CHD1L: variants seen among roughly 807,000 people sequenced by gnomAD.
CHD1L encodes ATP-dependent chromatin remodeler CHD1L.
CHD1L carries 118 observed loss-of-function variants against 115.9 expected under a neutral mutation model. The observed-to-expected ratio is 1.02, with a 90% CI of 0.88 to 1.19. The LOEUF is 1.19. Ranked by LOEUF, CHD1L falls within the 50% of genes most tolerant of loss-of-function variation. The probability of loss-of-function intolerance (pLI) is 0.00; values close to 1 mark genes in which losing one functional copy is unlikely to be tolerated. For synonymous variants in CHD1L, 411 were observed against 387.1 expected, an observed-to-expected ratio of 1.06 and a Z score of -0.72; for missense variants, 1,179 against 1,065.3, an observed-to-expected ratio of 1.11 and a Z score of -1.49.
At chr1:147,262,195 CAA>C (rs11346769) in intron 6 of CHD1L, among the ~76,000 whole-genome samples, 6 of 126,080 alleles carry the variant, frequency 4.8e-5, no homozygotes, top group Non-Finnish European at 3.3e-5. Flanking sequence ...GACTCTGTCT[CAA>C]AAAAAAAAAA....
the CHD1L span, among the ~76,000 whole-genome samples, chr1:147,222,343 G>A: frequency 6.6e-6 from 1 of 152,316 alleles, no homozygotes; most frequent in African/African-American, 2.4e-5. Context: ...ACTCCAGCCT[G>A]GGTAACAGAG....
chr1:147,288,728 C>G (rs1684363279), intron 19 of CHD1L, among the ~76,000 whole-genome samples: 1 of 152,066 alleles, frequency 6.6e-6, no homozygotes, highest in South Asian at 2.1e-4. Flanking sequence ...AAAATGCTGA[C>G]AAGAACTCGG....
chr1:147,272,328 G>C (rs1553954036), intron 12 of CHD1L, 47 bp downstream of exon 12: 1 of 1,293,914 alleles, frequency 7.7e-7, no homozygotes. Flanking sequence ...AGGGATAATA[G>C]AGTACTATTA....
the CHD1L span, chr1:147,201,398 T>C: frequency 6.8e-6 from 11 of 1,614,076 alleles, no homozygotes; most frequent in East Asian, 1.8e-4. Flanking sequence ...TCCTCAAATA[T>C]GGCAGCTGTC....
intron 14 of CHD1L, among the ~76,000 whole-genome samples, chr1:147,277,710 G>A (rs74121883): frequency 0.012 from 1,857 of 152,272 alleles, 32 homozygotes; most frequent in African/African-American, 0.043. Flanking sequence ...TGAGATGAAA[G>A]CTTGAGAGAG....
intron 1 of CHD1L, chr1:147,243,053 G>A: frequency 2.4e-6 from 1 of 421,708 alleles, no homozygotes; most frequent in Non-Finnish European, 3.8e-6. Flanking sequence ...AGATGAATGA[G>A]GTCGCGGGCC....
chr1:147,240,823 G>A (rs1016013436), upstream of CHD1L, among the ~76,000 whole-genome samples: 9 of 152,018 alleles, frequency 5.9e-5, no homozygotes, highest in Admixed American at 1.3e-4. Context: ...CATGCTGACC[G>A]TCTCTCCACT....
At chr1:147,216,004 A>G in the CHD1L span, 1 of 1,301,922 alleles carries the variant, frequency 7.7e-7, no homozygotes, top group Middle Eastern at 1.9e-4. Flanking sequence ...TATAATAGCC[A>G]ATAGACATCT....
intron 8 of CHD1L, 25 bp from the exon 9 acceptor site, chr1:147,267,399 GTC>G (rs150510727): frequency 4.5e-6 from 7 of 1,568,914 alleles, no homozygotes; most frequent in South Asian, 2.2e-5. Context: ...ATCTCTTTCT[GTC>G]TCTCTCTTTT....
chr1:147,205,921 C>T, the CHD1L span, among the ~76,000 whole-genome samples: 1 of 152,050 alleles, frequency 6.6e-6, no homozygotes, highest in Non-Finnish European at 1.5e-5. Flanking sequence ...CAAATGGGAT[C>T]TAATTAAACT....
chr1:147,238,489 T>C (rs1407945030), upstream of CHD1L, among the ~76,000 whole-genome samples: 1 of 152,212 alleles, frequency 6.6e-6, no homozygotes, highest in Non-Finnish European at 1.5e-5. Context: ...ATTAATCTTA[T>C]GGAGTTGCTG....
the CHD1L span, among the ~76,000 whole-genome samples, chr1:147,222,965 A>G: frequency 6.6e-6 from 1 of 152,216 alleles, no homozygotes; most frequent in Non-Finnish European, 1.5e-5. Context: ...CTACTGAATA[A>G]TAACCAACAT....
At chr1:147,235,982 G>T in the CHD1L span, among the ~76,000 whole-genome samples, 2 of 152,160 alleles carry the variant, frequency 1.3e-5, no homozygotes, top group African/African-American at 4.8e-5. Flanking sequence ...TACCAGCCTG[G>T]ATCCCATGCC....
intron 12 of CHD1L, among the ~76,000 whole-genome samples, chr1:147,273,649 T>G (rs1677142612): frequency 6.6e-6 from 1 of 152,192 alleles, no homozygotes. Context: ...CTTTAATGAT[T>G]TCATCATCCT....
chr1:147,266,188 T>C, intron 8 of CHD1L, 101 bp downstream of exon 8: 4 of 1,131,884 alleles, frequency 3.5e-6, no homozygotes, highest in Non-Finnish European at 5.0e-6. Context: ...CCCAAGAATA[T>C]GGGATGGAAT....
chr1:147,233,373 T>TG, the CHD1L span, among the ~76,000 whole-genome samples: 2,763 of 88,268 alleles, frequency 0.031, 104 homozygotes, highest in South Asian at 0.052. Context: ...GGGAGGGAGG[T>TG]GGGGGGTCAG....
the CHD1L span, among the ~76,000 whole-genome samples, chr1:147,177,498 G>T: frequency 1.3e-5 from 2 of 152,100 alleles, no homozygotes; most frequent in East Asian, 3.9e-4. Flanking sequence ...CCTAGTAAAT[G>T]TTTTTCAAAG....
chr1:147,270,827 T>C (rs1050884894), intron 10 of CHD1L, 105 bp from the exon 11 acceptor site: 37 of 879,524 alleles, frequency 4.2e-5, no homozygotes, highest in Admixed American at 2.3e-4. Context: ...ATTTCTACTT[T>C]GGTATTTATT....
the CHD1L span, among the ~76,000 whole-genome samples, chr1:147,206,645 C>G: frequency 1.3e-5 from 2 of 152,256 alleles, no homozygotes; most frequent in Middle Eastern, 3.4e-3. Flanking sequence ...CCATCATTCT[C>G]AGCAAACTAT....
Sources: allele counts gnomAD v4.1 joint callset (sites outside exome capture counted in the v4.1 genomes callset), GRCh38; gene constraint gnomAD v4.1.1; transcripts MANE v1.5; gene names NCBI Gene and HGNC (gene_info 2026-07-23, HGNC 2026-07-21).